Variants in PJA2 observed in about 807,000 individuals in gnomAD.
PJA2 encodes the protein E3 ubiquitin-protein ligase Praja-2.
PJA2 carries 25 observed loss-of-function variants against 69.3 expected under a neutral mutation model. That is an observed-to-expected ratio of 0.36 (90% CI 0.26 to 0.50). PJA2 has a LOEUF of 0.50. Ranked by LOEUF, PJA2 falls within the 20% of genes least tolerant of loss-of-function variation. PJA2 has a pLI of 0.96. For missense variants in PJA2, 809 were observed against 830.2 expected (o/e 0.97, Z 0.31); for synonymous variants, 308 against 277.8 (o/e 1.11, Z -1.08).
At chr5:109,401,203 G>C (rs977287626) in intron 1 of PJA2, among the ~76,000 whole-genome samples, 2 of 152,010 alleles carry the variant, frequency 1.3e-5, no homozygotes, top group Non-Finnish European at 2.9e-5. Context: ...AGAATCACTT[G>C]AACCCGGGAG....
Position 109,378,448 on chromosome 5 carries a change from T to G in PJA2, c.1039A>C (p.Arg347=), listed in dbSNP as rs774669589. 1 of 1,614,182 alleles carries G rather than the reference T, an allele frequency of 6.2e-7. No homozygotes were observed. The highest frequency in any genetic ancestry group is 8.5e-7 in the Non-Finnish European group (1 of 1,180,016). ...CTTTCCTCAACTTCCAAAGCCTCTC[T>G]CCATCTTTGAACACTTCTTTGTTTC... ...EAKQRSVQRW[R]EALEVEESGS... The change falls in exon 4 of 10, where the codon AGA becomes CGA. Residue 347 remains arginine (R), a synonymous_variant. Transcript: ENST00000361189.
chr5:109,363,989 T>TA, intron 5 of PJA2, among the ~76,000 whole-genome samples: 1 of 152,096 alleles, frequency 6.6e-6, no homozygotes, highest in South Asian at 2.1e-4. Flanking sequence ...CTGTCTCTAC[T>TA]AAAACTACAA....
intron 3 of PJA2, among the ~76,000 whole-genome samples, chr5:109,379,461 C>T (rs1275200076): frequency 3.3e-5 from 5 of 152,182 alleles, no homozygotes; most frequent in Admixed American, 2.0e-4. Context: ...CAGCCTTTCA[C>T]TATCATCTCC....
intron 4 of PJA2, among the ~76,000 whole-genome samples, chr5:109,373,953 G>A (rs549882243): frequency 6.6e-6 from 1 of 152,212 alleles, no homozygotes; most frequent in South Asian, 2.1e-4. Flanking sequence ...TTGTTACTTT[G>A]TTCTTCCTGG....
intron 7 of PJA2, among the ~76,000 whole-genome samples, chr5:109,346,463 T>C (rs1282391148): frequency 6.6e-6 from 1 of 152,218 alleles, no homozygotes; most frequent in East Asian, 1.9e-4. Context: ...ACACCCATGT[T>C]CACTGCAGCA....
chr5:109,405,986 T>A (rs1230915125), intron 1 of PJA2, among the ~76,000 whole-genome samples: 1 of 151,394 alleles, frequency 6.6e-6, no homozygotes, highest in East Asian at 1.9e-4. Context: ...GTGTGTCAAA[T>A]GAGTTGTATA....
intron 7 of PJA2, among the ~76,000 whole-genome samples, chr5:109,353,016 ATC>A (rs1762287382): frequency 7.5e-6 from 1 of 133,008 alleles, no homozygotes; most frequent in African/African-American, 2.9e-5. Context: ...AGATACCTAT[ATC>A]TATAGATATC....
intron 5 of PJA2, among the ~76,000 whole-genome samples, chr5:109,367,192 A>C (rs538791290): frequency 1.5e-4 from 23 of 149,354 alleles, no homozygotes; most frequent in African/African-American, 4.6e-4. Flanking sequence ...TGATATATAT[A>C]TCTCTCTCAT....
intron 4 of PJA2, among the ~76,000 whole-genome samples, chr5:109,372,100 T>C (rs1762683423): frequency 6.6e-6 from 1 of 152,194 alleles, no homozygotes; most frequent in African/African-American, 2.4e-5. Context: ...AGTCCTGAAT[T>C]TGATGTGCTA....
chr5:109,368,862 T>C, intron 4 of PJA2, 116 bp from the exon 5 acceptor site: 1 of 1,094,004 alleles, frequency 9.1e-7, no homozygotes, highest in Non-Finnish European at 1.3e-6. Context: ...CATGTTGAAC[T>C]GTAATCCAAA....
rs1454709970 is a variant in PJA2 at position 109,363,007 on chromosome 5, C to T, written c.1485G>A (p.Leu495=). 1.3e-6 allele frequency: 2 copies of T among 1,599,192 alleles called. No homozygotes were observed. The highest frequency in any genetic ancestry group is 3.4e-5 in the Admixed American group (2 of 59,608). ...GTAACCAAGGAATTTCTCCCTCTTC[C>T]AAGGATGTCTGTTCCCTAGTACAAA... ...LSLQEGEQTS[L]EEGEIPWLQY... is the part of the protein sequence containing the mutation. The change falls in exon 6 of 10, where the codon TTG becomes TTA. Residue 495 remains leucine (L), a synonymous_variant. Transcript: ENST00000361189.
In PJA2 at chr5:109,383,491, T is replaced by C. The variant is rs1747096023; in HGVS notation, c.-58A>G. The C allele has an allele frequency of 2.1e-6, 3 of 1,406,198 alleles. No homozygotes were observed. The African/African-American group carries it at 4.2e-5, about 20-fold the overall frequency. The allele number at this position is 1,406,198 out of a possible 1,614,324, so 87.1% of individuals were successfully genotyped here. A position where few individuals can be genotyped will look rare whatever the true frequency, so the allele number is the denominator to read the frequency against. ...AATTATAGATGTGATTTAGTTTTTA[T>C]TCACACTATGGACAAGCCGCAGAAG... On this transcript the variant is annotated 5_prime_UTR_variant, in exon 2 of 10. Coordinates refer to ENST00000361189, the MANE Select transcript of PJA2 (RefSeq NM_014819.5).
rs184519120 is a variant in PJA2, at chr5:109,366,750, T to C, written c.1469+1811A>G. Among the ~76,000 whole-genome samples the C allele has an allele frequency of 2.8e-4, 42 of 152,328 alleles. No homozygotes were observed. In the East Asian group the frequency reaches 6.8e-3, roughly 24 times the overall value. On this transcript the variant is annotated intron_variant, in intron 5 of 9. Coordinates refer to ENST00000361189, the MANE Select transcript of PJA2 (RefSeq NM_014819.5). ...CACAAAGTAAATGCTCAATAAATAT[T>C]TGCTGAGTGAATAACTGCTAACACA...
chr5:109,385,942 G>A (rs1747146076), intron 1 of PJA2, among the ~76,000 whole-genome samples: 1 of 152,016 alleles, frequency 6.6e-6, no homozygotes, highest in African/African-American at 2.4e-5. Context: ...TTTAATAATT[G>A]TGTGCATGAA....
At chr5:109,405,466 G>A (rs1747663645) in intron 1 of PJA2, among the ~76,000 whole-genome samples, 1 of 152,082 alleles carries the variant, frequency 6.6e-6, no homozygotes, top group Non-Finnish European at 1.5e-5. Flanking sequence ...AGGCAATTTT[G>A]AAAAAGAATA....
At chr5:109,341,876 GGGGGT>G (rs1762071111) in intron 9 of PJA2, among the ~76,000 whole-genome samples, 1 of 113,472 alleles carries the variant, frequency 8.8e-6, no homozygotes, top group African/African-American at 3.1e-5. Flanking sequence ...AGGGAGGTGG[GGGGGT>G]GAGCCCTCCG....
intron 7 of PJA2, among the ~76,000 whole-genome samples, chr5:109,352,796 GATATGTAT>G (rs1158750468): frequency 2.6e-4 from 40 of 151,102 alleles, no homozygotes; most frequent in Non-Finnish European, 4.9e-4. Flanking sequence ...ATCTATATTA[GATATGTAT>G]ATATTAGATA....
At chr5:109,354,612 ATATC>A (rs1349338742) in intron 7 of PJA2, among the ~76,000 whole-genome samples, 2 of 142,532 alleles carry the variant, frequency 1.4e-5, no homozygotes, top group African/African-American at 5.2e-5. Flanking sequence ...TCGATATCTA[ATATC>A]TATCGATATT....
intron 1 of PJA2, among the ~76,000 whole-genome samples, chr5:109,386,987 T>C (rs925766395): frequency 1.3e-5 from 2 of 152,206 alleles, no homozygotes; most frequent in Non-Finnish European, 2.9e-5. Flanking sequence ...TTAGAGACTC[T>C]TGTACACGTC....
Sources: gnomAD v4.1 joint callset for allele counts (sites outside exome capture counted in the v4.1 genomes callset) on GRCh38, gnomAD v4.1.1 for gene constraint, MANE v1.5 for transcripts, NCBI Gene and HGNC (gene_info 2026-07-23, HGNC 2026-07-21) for gene names.